ITGA8: variants seen among roughly 807,000 people sequenced by gnomAD.
ITGA8 encodes integrin alpha-8.
A neutral mutation model predicts 142.3 loss-of-function variants in ITGA8; 91 were observed. The observed-to-expected ratio is 0.64, with a 90% CI of 0.54 to 0.76. The LOEUF (loss-of-function observed/expected upper bound fraction) is 0.76, where lower values mean the gene tolerates loss of function less well. Among genes scored for constraint, ITGA8 ranks in the 30% least tolerant of loss-of-function variants. The pLI, the probability that ITGA8 is intolerant of heterozygous loss-of-function variation, is 0.00. For missense variants in ITGA8, 1,406 were observed against 1,327.7 expected, an observed-to-expected ratio of 1.06 and a Z score of -0.92; for synonymous variants, 505 against 485.2, an observed-to-expected ratio of 1.04 and a Z score of -0.54.
intron 20 of ITGA8, among the ~76,000 whole-genome samples, chr10:15,598,115 C>T (rs948087559): frequency 1.3e-5 from 2 of 152,112 alleles, no homozygotes; most frequent in Admixed American, 6.5e-5. Context: ...ACTCTGCATG[C>T]AGCCATAGCT....
intron 27 of ITGA8, among the ~76,000 whole-genome samples, chr10:15,532,431 A>AAAAAAAAAAAAG (rs1833326598): frequency 2.9e-5 from 4 of 139,064 alleles, no homozygotes; most frequent in African/African-American, 8.2e-5. Flanking sequence ...AAAAAAAAAA[A>AAAAAAAAAAAAG]AAAAAAAAAA....
In ITGA8 at chr10:15,515,642, A is replaced by C. The variant is rs1338935321; in HGVS notation, c.*1516T>G. ...AAAAACGCCAGTGTAAACATGCTTC[A>C]GATACATAGGTCTATAAAATATTGC... is the stretch of plus-strand genomic sequence containing the variant. On this transcript the variant is annotated 3_prime_UTR_variant, in exon 30 of 30. Transcript: ENST00000378076. 2 of 152,130 alleles carry C rather than the reference A, an allele frequency of 1.3e-5. No individual in the cohort carries two copies. Among genetic ancestry groups the C allele is most frequent in the Non-Finnish European group, 2.9e-5 (2 of 68,024 alleles). The allele number at this position is 152,130 out of a possible 1,614,324, so 9.4% of individuals were successfully genotyped here. A position where few individuals can be genotyped will look rare whatever the true frequency, so the allele number is the denominator to read the frequency against.
At chr10:15,525,479 C>T (rs1011517510) in intron 28 of ITGA8, among the ~76,000 whole-genome samples, 4 of 151,690 alleles carry the variant, frequency 2.6e-5, no homozygotes, top group Non-Finnish European at 4.4e-5. Flanking sequence ...CCCATCTCTA[C>T]TAAGAATACA....
At chr10:15,702,832 T>C (rs1835190410) in intron 2 of ITGA8, among the ~76,000 whole-genome samples, 1 of 152,318 alleles carries the variant, frequency 6.6e-6, no homozygotes, top group Middle Eastern at 3.4e-3. Context: ...GAGATTATTG[T>C]TTCAAAATTT....
Position 15,613,771 on chromosome 10 carries a change from C to G in ITGA8, c.1446-4G>C, listed in dbSNP as rs184165806. 1.0e-4 allele frequency: 161 copies of G among 1,604,226 alleles called. No individual in the cohort carries two copies. Among genetic ancestry groups the G allele is most frequent in the Non-Finnish European group, 1.4e-4 (159 of 1,171,274 alleles). ...TACAGTCACAACCGGTCTTGCTCTG[C>G]GGGGAGAAAATGCAGGGTTTGTTTA... On this transcript the variant is annotated splice_region_variant and splice_polypyrimidine_tract_variant and intron_variant, in intron 14 of 29. Coordinates refer to ENST00000378076, the MANE Select transcript of ITGA8 (RefSeq NM_003638.3).
At chr10:15,608,203 C>T in intron 16 of ITGA8, 32 bp downstream of exon 16, 2 of 1,493,562 alleles carry the variant, frequency 1.3e-6, no homozygotes, top group Non-Finnish European at 1.9e-6. Flanking sequence ...TCTTAGTATA[C>T]CATAAGAATG....
intron 13 of ITGA8, among the ~76,000 whole-genome samples, chr10:15,635,635 C>A (rs1833760521): frequency 6.6e-6 from 1 of 152,142 alleles, no homozygotes; most frequent in Non-Finnish European, 1.5e-5. Flanking sequence ...GATCTACATG[C>A]ATGAGATATT....
intron 2 of ITGA8, among the ~76,000 whole-genome samples, chr10:15,712,508 G>A (rs2131739776): frequency 6.6e-6 from 1 of 152,324 alleles, no homozygotes; most frequent in African/African-American, 2.4e-5. Flanking sequence ...GGCTGAGGCA[G>A]GAGAATCATT....
chr10:15,551,086 G>A lies in ITGA8; in HGVS notation c.2767-2518C>T, dbSNP rs114202988. Among the ~76,000 whole-genome samples the A allele has an allele frequency of 6.7e-3, 1,025 of 152,238 alleles. 12 individuals carry two copies. Among genetic ancestry groups the A allele is most frequent in the African/African-American group, 0.023 (949 of 41,528 alleles). On this transcript the variant is annotated intron_variant, in intron 26 of 29. Coordinates refer to ENST00000378076, the MANE Select transcript of ITGA8 (RefSeq NM_003638.3). The stretch of plus-strand genomic sequence containing the variant: ...ACACTGAGACTGGGGATTCTAGAGA[G>A]GAGGTACATTTGAGAAGTCATGGAG...
intron 2 of ITGA8, among the ~76,000 whole-genome samples, chr10:15,718,174 T>C (rs1337125400): frequency 1.3e-5 from 2 of 152,224 alleles, no homozygotes; most frequent in Admixed American, 1.3e-4. Context: ...GTATTTTCCC[T>C]TTAATTAAAT....
chr10:15,522,827 C>G (rs1272724331), intron 28 of ITGA8, among the ~76,000 whole-genome samples: 3 of 152,130 alleles, frequency 2.0e-5, no homozygotes, highest in African/African-American at 7.2e-5. Flanking sequence ...GCCTGGCCAA[C>G]ATGGTGAAAC....
At chr10:15,690,438 G>A (rs755785842) in intron 2 of ITGA8, among the ~76,000 whole-genome samples, 2 of 152,080 alleles carry the variant, frequency 1.3e-5, no homozygotes, top group Non-Finnish European at 1.5e-5. Context: ...CCTGGGCCTC[G>A]GCTACAGGTG....
At chr10:15,705,930 A>C (rs1422105341) in intron 2 of ITGA8, among the ~76,000 whole-genome samples, 1 of 151,910 alleles carries the variant, frequency 6.6e-6, no homozygotes. Context: ...GTCAATCTCA[A>C]ACTCATTCTC....
rs1177261928 is a variant in ITGA8 at position 15,602,449 on chromosome 10, A to G, written c.2118+1759T>C. Among the ~76,000 whole-genome samples, 6 of 152,300 alleles carry G rather than the reference A, an allele frequency of 3.9e-5. No homozygotes were observed. The East Asian group carries it at 9.7e-4, about 25-fold the overall frequency. ...AATGAAGAGGATTAAAAAAAATCACATAATTGGCGGGGCAAGGATGGCTCG... is the reference window on the plus strand; with the variant it reads ...AATGAAGAGGATTAAAAAAAATCACGTAATTGGCGGGGCAAGGATGGCTCG... On this transcript the variant is annotated intron_variant, in intron 20 of 29. Coordinates refer to ENST00000378076, the MANE Select transcript of ITGA8 (RefSeq NM_003638.3).
rs148423989 is a variant in ITGA8 at position 15,714,968 on chromosome 10, C to T, written c.343+3798G>A. On this transcript the variant is annotated intron_variant, in intron 2 of 29. Coordinates refer to ENST00000378076, the MANE Select transcript of ITGA8 (RefSeq NM_003638.3). ...GTCGTAGTAAAAGTAGGGTAAAAGA[C>T]CAGGAAAGTCACTGATGTCTTGACA... Among the ~76,000 whole-genome samples the T allele has an allele frequency of 2.0e-3, 307 of 152,224 alleles. 2 individuals carry two copies. The highest frequency in any genetic ancestry group is 7.1e-3 in the African/African-American group (295 of 41,542).
chr10:15,651,531 GT>G (rs930737810), intron 11 of ITGA8, among the ~76,000 whole-genome samples: 26 of 149,894 alleles, frequency 1.7e-4, no homozygotes, highest in African/African-American at 5.2e-4. Flanking sequence ...CTTATTGACA[GT>G]TTTTTTTTTT....
intron 28 of ITGA8, among the ~76,000 whole-genome samples, chr10:15,529,336 A>G (rs1163414864): frequency 1.3e-5 from 2 of 152,222 alleles, no homozygotes; most frequent in African/African-American, 4.8e-5. Context: ...AGAGCTTTAT[A>G]CAGATAATCT....
intron 3 of ITGA8, among the ~76,000 whole-genome samples, chr10:15,687,475 A>G (rs944453229): frequency 1.3e-5 from 2 of 152,202 alleles, no homozygotes; most frequent in African/African-American, 4.8e-5. Flanking sequence ...AAAAGTATTA[A>G]TGAACTCAGA....
At position 15,558,163 on chromosome 10, in the gene ITGA8, A is replaced by T; in HGVS notation, c.2677T>A (p.Phe893Ile). 2 of 1,614,222 alleles carry T rather than the reference A, an allele frequency of 1.2e-6. No homozygotes were observed. Among genetic ancestry groups the T allele is most frequent in the Non-Finnish European group, 1.7e-6 (2 of 1,180,040 alleles). The change falls in exon 26 of 30, where the codon TTT (phenylalanine) becomes ATT (isoleucine). Residue 893 changes from phenylalanine to isoleucine, a missense_variant. By Grantham distance (21) the Phe-to-Ile change is conservative. Transcript: ENST00000378076. ...TGAGGAATAGTAGAGTTTCGCAAAA[A>T]GGCGCTGAGCTCAGGGGTGTCCTCT... ...SPEDTPELSAFLRNSTIPHLV... is the reference protein window; with the variant it reads ...SPEDTPELSAILRNSTIPHLV...
Sources: gnomAD v4.1 joint callset for allele counts (sites outside exome capture counted in the v4.1 genomes callset) on GRCh38, gnomAD v4.1.1 for gene constraint, MANE v1.5 for transcripts, NCBI Gene and HGNC (gene_info 2026-07-23, HGNC 2026-07-21) for gene names.